The following GASK1A variants were observed in gnomAD, a reference collection of about 807,000 sequenced individuals.
GASK1A encodes the protein Golgi-associated kinase 1A.
GASK1A carries 40 observed loss-of-function variants against 41.2 expected under a neutral mutation model. The ratio of observed to expected loss-of-function variants is 0.97; its 90% confidence interval spans 0.75 to 1.27. GASK1A has a LOEUF of 1.27. GASK1A is among the 50% of genes most tolerant of loss of function. GASK1A has a pLI of 0.00. For missense variants in GASK1A, 678 were observed against 745.1 expected (o/e 0.91, Z 1.05); for synonymous variants, 316 against 307.1 (o/e 1.03, Z -0.30).
chr3:43,003,961 A>C (rs1475890071), intron 1 of GASK1A, among the ~76,000 whole-genome samples: 1 of 152,170 alleles, frequency 6.6e-6, no homozygotes. Flanking sequence ...GACTCTTTTG[A>C]ATATATGCAT....
intron 1 of GASK1A, among the ~76,000 whole-genome samples, chr3:43,004,375 G>C (rs1296534561): frequency 2.0e-5 from 3 of 152,128 alleles, no homozygotes; most frequent in African/African-American, 7.2e-5. Flanking sequence ...ACTTCCCCCA[G>C]GTTAACTAGG....
chr3:43,054,643 A>G (rs890172422), intron 3 of GASK1A, among the ~76,000 whole-genome samples: 1 of 152,204 alleles, frequency 6.6e-6, no homozygotes, highest in Non-Finnish European at 1.5e-5. Flanking sequence ...GGAAATGCCC[A>G]TGGACTTTTG....
chr3:43,008,447 G>A (rs1240896766), intron 1 of GASK1A, among the ~76,000 whole-genome samples: 3 of 152,210 alleles, frequency 2.0e-5, no homozygotes, highest in African/African-American at 7.2e-5. Context: ...CGGTTGTCAG[G>A]AAATGCCTCA....
intron 1 of GASK1A, among the ~76,000 whole-genome samples, chr3:43,005,487 G>T (rs139444379): frequency 3.3e-5 from 5 of 152,204 alleles, no homozygotes; most frequent in African/African-American, 1.2e-4. Context: ...TCACACTGCA[G>T]ATGCTCTCTG....
Position 43,021,585 on chromosome 3 carries a change from C to G in GASK1A, c.4-10682C>G, listed in dbSNP as rs539509959. Among the ~76,000 whole-genome samples, 3 of 152,340 alleles carry G rather than the reference C, an allele frequency of 2.0e-5. No homozygotes were observed. The East Asian group carries it at 5.8e-4, about 29-fold the overall frequency. ...GGACAGAAAATCCCGGATCCCACCA[C>G]TCATGTAAATATACCCAACCATGTA... On this transcript the variant is annotated intron_variant, in intron 1 of 4. Transcript: ENST00000430121.
intron 1 of GASK1A, among the ~76,000 whole-genome samples, chr3:43,022,230 C>G (rs1454786002): frequency 6.6e-6 from 1 of 152,016 alleles, no homozygotes; most frequent in African/African-American, 2.4e-5. Flanking sequence ...TCAGTCTGAT[C>G]AAAGCTGCTT....
intron 1 of GASK1A, among the ~76,000 whole-genome samples, chr3:42,996,454 T>C (rs951863046): frequency 6.6e-6 from 1 of 152,236 alleles, no homozygotes; most frequent in African/African-American, 2.4e-5. Context: ...GATGTTTCTC[T>C]TCTGCCTGGA....
At chr3:43,044,412 G>C (rs79180568) in intron 2 of GASK1A, among the ~76,000 whole-genome samples, 1,704 of 152,210 alleles carry the variant, frequency 0.011, 30 homozygotes, top group African/African-American at 0.039. Flanking sequence ...TGCTTTTTCG[G>C]AGGGAACCAC....
chr3:42,989,563 A>G (rs545893817), intron 1 of GASK1A, among the ~76,000 whole-genome samples: 7 of 151,466 alleles, frequency 4.6e-5, no homozygotes, highest in Non-Finnish European at 1.0e-4. Context: ...GTCTTTTGTA[A>G]ATTGTAAGAG....
At chr3:42,990,179 T>G (rs898146776) in intron 1 of GASK1A, among the ~76,000 whole-genome samples, 1 of 151,900 alleles carries the variant, frequency 6.6e-6, no homozygotes, top group Admixed American at 6.6e-5. Context: ...CATAAACTTA[T>G]GTAGAGAGAG....
In GASK1A at chr3:43,018,001, C is replaced by T. The variant is rs566244070; in HGVS notation, c.4-14266C>T. 2.6e-5 allele frequency among the ~76,000 whole-genome samples: 4 copies of T among 151,518 alleles called. No individual in the cohort carries two copies. The South Asian group carries it at 6.3e-4, about 24-fold the overall frequency. ...GCTGTGTGAAGTCACTGGAAGTGGC[C>T]GTATGAAGTCACAGGAAGGGCTGCT... On this transcript the variant is annotated intron_variant, in intron 1 of 4. Coordinates refer to ENST00000430121, the MANE Select transcript of GASK1A (RefSeq NM_001129908.3).
intron 2 of GASK1A, among the ~76,000 whole-genome samples, chr3:43,049,832 C>CCATTAACAT (rs1485552580): frequency 1.3e-5 from 2 of 152,082 alleles, no homozygotes; most frequent in Non-Finnish European, 2.9e-5. Context: ...ACTGGGATTA[C>CCATTAACAT]CATTAACATC....
At position 43,032,348 on chromosome 3, in the gene GASK1A, G is replaced by A; in HGVS notation, c.85G>A (p.Ala29Thr). 1 of 1,551,360 alleles carries A rather than the reference G, an allele frequency of 6.4e-7. No homozygotes were observed. The highest frequency in any genetic ancestry group is 8.7e-7 in the Non-Finnish European group (1 of 1,146,770). The stretch of plus-strand genomic sequence containing the variant: ...CCTCTTGATGATCCTATCTGCGATG[G>A]CTGTCACCCGCTTTCCCCCACAGCG... ...FCLLMILSAM[A>T]VTRFPPQRPS... Residue 29 changes from alanine (A) to threonine (T), a missense_variant, in exon 2 of 5, where the codon GCT becomes ACT. By Grantham distance (58) the Ala-to-Thr change is moderately conservative. Transcript: ENST00000430121.
intron 1 of GASK1A, among the ~76,000 whole-genome samples, chr3:42,997,728 G>T (rs2089384304): frequency 6.6e-6 from 1 of 152,190 alleles, no homozygotes; most frequent in African/African-American, 2.4e-5. Context: ...TTAGCATAAT[G>T]GGCCTATAAG....
intron 1 of GASK1A, among the ~76,000 whole-genome samples, chr3:43,003,978 CATTT>C (rs1158513164): frequency 6.6e-6 from 1 of 152,076 alleles, no homozygotes; most frequent in Non-Finnish European, 1.5e-5. Context: ...GCATTTCATT[CATTT>C]ATTTATTCAT....
intron 1 of GASK1A, among the ~76,000 whole-genome samples, chr3:43,024,739 G>A (rs372917434): frequency 2.0e-5 from 3 of 152,232 alleles, no homozygotes; most frequent in South Asian, 2.1e-4. Context: ...AGCTTCTCAC[G>A]TGCCAGGCAC....
chr3:42,987,018 T>C (rs1309776843), intron 1 of GASK1A, among the ~76,000 whole-genome samples: 1 of 152,238 alleles, frequency 6.6e-6, no homozygotes, highest in African/African-American at 2.4e-5. Flanking sequence ...GTGTTTCTTT[T>C]CTAGTCACAC....
Position 43,056,315 on chromosome 3 carries a change from C to A in GASK1A, c.1657C>A (p.Gln553Lys), listed in dbSNP as rs769727502. 6.4e-7 allele frequency: 1 copy of A among 1,551,628 alleles called. No individual in the cohort carries two copies. The change falls in exon 5 of 5, where the codon CAG becomes AAG. Residue 553 changes from glutamine to lysine, a missense_variant. By Grantham distance (53) the Gln-to-Lys change is moderately conservative. Transcript: ENST00000430121. ...GLKQVLQTLE[Q>K]RGQVLLGHIQ... ...GAAGCAGGTCCTCCAGACCCTGGAGCAGCGAGGACAGGTGCTGCTGGGACA... is the reference window on the plus strand; with the variant it reads ...GAAGCAGGTCCTCCAGACCCTGGAGAAGCGAGGACAGGTGCTGCTGGGACA...
intron 1 of GASK1A, among the ~76,000 whole-genome samples, chr3:43,011,290 G>A (rs1180950258): frequency 6.6e-6 from 1 of 151,066 alleles, no homozygotes; most frequent in Non-Finnish European, 1.5e-5. Flanking sequence ...GCTGAGGCAG[G>A]AGAATCACTT....
Sources: gnomAD v4.1 joint callset for allele counts (sites outside exome capture counted in the v4.1 genomes callset) on GRCh38, gnomAD v4.1.1 for gene constraint, MANE v1.5 for transcripts, NCBI Gene and HGNC (gene_info 2026-07-23, HGNC 2026-07-21) for gene names.